The following CARF variants were observed in gnomAD, a reference collection of about 807,000 sequenced individuals.
CARF encodes the protein calcium-responsive transcription factor.
CARF carries 57 observed loss-of-function variants against 82.0 expected under a neutral mutation model. The ratio of observed to expected loss-of-function variants is 0.70; its 90% CI spans 0.56 to 0.87. CARF has a LOEUF of 0.87. Ranked by LOEUF, CARF falls within the 40% of genes least tolerant of loss-of-function variation. The pLI is 0.00. For synonymous variants in CARF, 268 were observed against 290.1 expected (o/e 0.92, Z 0.77); for missense variants, 771 against 855.8 (o/e 0.90, Z 1.24).
In CARF at chr2:202,985,802, A is replaced by G. The variant is rs2105956731; in HGVS notation, c.*2178A>G. ...TATTAGCTGTTTCACCAATTGAACT[A>G]CATTCTTTTGGAGACATTCCTTTCT... is the stretch of plus-strand genomic sequence containing the variant. On this transcript the variant is annotated 3_prime_UTR_variant, in exon 17 of 17. Coordinates refer to ENST00000438828, the MANE Select transcript of CARF (RefSeq NM_024744.17). The G allele has an allele frequency of 6.6e-6, 1 of 152,276 alleles. No homozygotes were observed. Among genetic ancestry groups the G allele is most frequent in the South Asian group, 2.1e-4 (1 of 4,824 alleles). 9.4% of individuals were successfully genotyped at this position (152,276 alleles called of 1,614,324 possible). A position where few individuals can be genotyped will look rare whatever the true frequency, so the allele number is the denominator to read the frequency against.
At chr2:202,965,867 G>A (rs747873748) in intron 9 of CARF, among the ~76,000 whole-genome samples, 4 of 152,070 alleles carry the variant, frequency 2.6e-5, no homozygotes, top group Non-Finnish European at 4.4e-5. Flanking sequence ...TATCCCAAAC[G>A]TAGTGGCTGA....
intron 14 of CARF, 35 bp from the exon 15 acceptor site, chr2:202,981,520 A>C (rs1311358611): frequency 7.1e-7 from 1 of 1,398,720 alleles, no homozygotes; most frequent in Non-Finnish European, 9.7e-7. Flanking sequence ...AGAAGCCATA[A>C]AAATTATTTT....
intron 7 of CARF, among the ~76,000 whole-genome samples, chr2:202,954,995 C>CAGAGGAAAA (rs2058968656): frequency 6.7e-6 from 1 of 150,264 alleles, no homozygotes; most frequent in South Asian, 2.1e-4. Context: ...GCCTGGGTGA[C>CAGAGGAAAA]AGAGCGAGAC....
intron 1 of CARF, among the ~76,000 whole-genome samples, chr2:202,917,210 C>CAAAAAAA (rs71034203): frequency 0.016 from 733 of 47,002 alleles, 141 homozygotes; most frequent in Non-Finnish European, 0.018. Context: ...GACTCCGTCT[C>CAAAAAAA]AAAAAAAAAA....
chr2:202,958,117 G>A (rs1046804205), intron 8 of CARF, among the ~76,000 whole-genome samples: 1 of 151,912 alleles, frequency 6.6e-6, no homozygotes, highest in African/African-American at 2.4e-5. Flanking sequence ...TAAAATGTGG[G>A]AAAGAAAAAA....
At chr2:202,929,318 T>C (rs572331506) in intron 3 of CARF, among the ~76,000 whole-genome samples, 19 of 152,304 alleles carry the variant, frequency 1.2e-4, no homozygotes, top group African/African-American at 4.3e-4. Flanking sequence ...TAGTTCCAGG[T>C]CTCACATTTA....
intron 3 of CARF, chr2:202,924,694 A>G (rs1313543912): frequency 6.5e-6 from 1 of 154,472 alleles, no homozygotes; most frequent in Non-Finnish European, 1.4e-5. Flanking sequence ...AGCTGCTTAT[A>G]CAAGAATGGG....
chr2:202,956,514 G>C (rs2059051117), intron 8 of CARF, among the ~76,000 whole-genome samples: 1 of 152,110 alleles, frequency 6.6e-6, no homozygotes, highest in Non-Finnish European at 1.5e-5. Context: ...GGCTCCCAAA[G>C]TGCTGGGATT....
At chr2:202,981,374 C>T (rs1021948310) in intron 14 of CARF, among the ~76,000 whole-genome samples, 181 bp from the exon 15 acceptor site, 2 of 152,184 alleles carry the variant, frequency 1.3e-5, no homozygotes, top group Non-Finnish European at 2.9e-5. Context: ...AGCCCAGTTC[C>T]TAACAAGGCA....
chr2:202,954,192 A>G, intron 7 of CARF, 58 bp downstream of exon 7: 1 of 1,565,280 alleles, frequency 6.4e-7, no homozygotes, highest in Admixed American at 1.9e-5. Context: ...ATCTTTTTAC[A>G]AATTACACAT....
At position 202,983,833 on chromosome 2, in the gene CARF, T is replaced by TA. The variant is rs1231888356; in HGVS notation, c.*210dup. ...TACTCTTCTTATTTTGTATAATTTTTATGCTCTTTGATTATCTAATAAGGC... is the reference window on the plus strand; with the variant it reads ...TACTCTTCTTATTTTGTATAATTTTTAATGCTCTTTGATTATCTAATAAGGC... On this transcript the variant is annotated 3_prime_UTR_variant, in exon 17 of 17. Coordinates refer to ENST00000438828, the MANE Select transcript of CARF (RefSeq NM_024744.17). The TA allele has an allele frequency of 4.2e-6, 2 of 477,394 alleles. No homozygotes were observed. The highest frequency in any genetic ancestry group is 2.0e-5 in the African/African-American group (1 of 48,956). The allele number at this position is 477,394 out of a possible 1,614,324, so 29.6% of individuals were successfully genotyped here.
intron 3 of CARF, among the ~76,000 whole-genome samples, chr2:202,939,948 C>T (rs777825938): frequency 1.3e-5 from 2 of 152,040 alleles, no homozygotes; most frequent in African/African-American, 2.4e-5. Context: ...CCTTGGTCTC[C>T]CAAAGTGCTG....
At chr2:202,973,045 C>G (rs1053233333) in intron 12 of CARF, among the ~76,000 whole-genome samples, 17 of 152,066 alleles carry the variant, frequency 1.1e-4, no homozygotes, top group Non-Finnish European at 1.8e-4. Flanking sequence ...ATTGCAGAAG[C>G]AAGCCACTGC....
Position 202,927,370 on chromosome 2 carries a change from C to A in CARF, c.-44+2955C>A, listed in dbSNP as rs78697651. Among the ~76,000 whole-genome samples the A allele has an allele frequency of 6.5e-3, 991 of 151,484 alleles. 8 individuals carry two copies. The highest frequency in any genetic ancestry group is 0.023 in the African/African-American group (929 of 41,236). On this transcript the variant is annotated intron_variant, in intron 3 of 16. Coordinates refer to ENST00000438828, the MANE Select transcript of CARF (RefSeq NM_024744.17). ...AGCTTTTAAAAATATTTTTAATTGACAAAAATTGTGTATATTGATGATATA... is the reference window on the plus strand; with the variant it reads ...AGCTTTTAAAAATATTTTTAATTGAAAAAAATTGTGTATATTGATGATATA...
Position 202,952,565 on chromosome 2 carries a change from G to T in CARF, c.313G>T (p.Val105Phe). 6.2e-7 allele frequency: 1 copy of T among 1,611,154 alleles called. No individual in the cohort carries two copies. The highest frequency in any genetic ancestry group is 8.5e-7 in the Non-Finnish European group (1 of 1,179,050). ...LGESNAQMMI[V>F]ASPTENGQVL... is the part of the protein sequence containing the mutation. ...TTTTTTTAATGCTTCCAAGATGATC[G>T]TTGCCAGCCCAACAGAAAATGGACA... The change falls in exon 6 of 17, where the codon GTT becomes TTT. Residue 105 changes from valine (V) to phenylalanine (F), a missense_variant. Val to Phe is a conservative substitution (Grantham distance 50). Coordinates refer to ENST00000438828, the MANE Select transcript of CARF (RefSeq NM_024744.17).
rs190600115 is a variant in CARF at position 202,918,612 on chromosome 2, A to G, written c.-163+569A>G. ...GCAGTTAGGGATAAAAACTTATAGCATATACTGACATTCAGGATAGTTGGG... is the reference window on the plus strand; with the variant it reads ...GCAGTTAGGGATAAAAACTTATAGCGTATACTGACATTCAGGATAGTTGGG... On this transcript the variant is annotated intron_variant, in intron 2 of 16. Coordinates refer to ENST00000438828, the MANE Select transcript of CARF (RefSeq NM_024744.17). Among the ~76,000 whole-genome samples the G allele has an allele frequency of 4.7e-4, 72 of 152,290 alleles. 1 individual carries two copies. In the East Asian group the frequency reaches 5.2e-3, roughly 11 times the overall value.
intron 5 of CARF, among the ~76,000 whole-genome samples, chr2:202,944,294 A>G (rs2058383616): frequency 6.6e-6 from 1 of 152,234 alleles, no homozygotes; most frequent in Admixed American, 6.5e-5. Flanking sequence ...TATACTTAAC[A>G]TAAGTAATAC....
chr2:202,952,751 T>C, intron 6 of CARF, 72 bp downstream of exon 6: 2 of 1,448,648 alleles, frequency 1.4e-6, no homozygotes, highest in African/African-American at 1.4e-5. Context: ...AATCACCTTA[T>C]GAAAGTCAGT....
intron 8 of CARF, among the ~76,000 whole-genome samples, chr2:202,960,257 C>CT (rs541321979): frequency 3.1e-4 from 46 of 146,342 alleles, no homozygotes; most frequent in South Asian, 1.3e-3. Context: ...GAAGGATCTT[C>CT]TTTTTTTTTT....
Sources: allele counts gnomAD v4.1 joint callset (sites outside exome capture counted in the v4.1 genomes callset), GRCh38; gene constraint gnomAD v4.1.1; transcripts MANE v1.5; gene names NCBI Gene and HGNC (gene_info 2026-07-23, HGNC 2026-07-21).